Variants in COL8A1 observed in about 807,000 individuals in gnomAD.
COL8A1 encodes the protein collagen alpha-1(VIII) chain.
Under a neutral mutation model 42.7 loss-of-function variants are expected in COL8A1, and 21 were observed. The observed-to-expected ratio is 0.49, with a 90% CI of 0.35 to 0.71. The LOEUF (loss-of-function observed/expected upper bound fraction) is 0.71. COL8A1 is among the 30% of genes least tolerant of loss of function. COL8A1 has a pLI of 0.01. For missense variants in COL8A1, 788 were observed against 962.4 expected (o/e 0.82, Z 2.40); for synonymous variants, 367 against 369.1 (o/e 0.99, Z 0.06).
intron 1 of COL8A1, among the ~76,000 whole-genome samples, chr3:99,648,976 G>C (rs1229733131): frequency 1.3e-5 from 2 of 151,908 alleles, no homozygotes; most frequent in East Asian, 3.9e-4. Flanking sequence ...CTGTGCCAAA[G>C]ACAAAAAAGG....
intron 2 of COL8A1, among the ~76,000 whole-genome samples, chr3:99,783,292 T>C (rs772170271): frequency 5.3e-5 from 8 of 152,240 alleles, no homozygotes; most frequent in Non-Finnish European, 1.2e-4. Context: ...CACAACCTAA[T>C]TGACTTCTCA....
At chr3:99,711,598 T>C (rs1477680035) in intron 1 of COL8A1, among the ~76,000 whole-genome samples, 1 of 152,054 alleles carries the variant, frequency 6.6e-6, no homozygotes, top group African/African-American at 2.4e-5. Flanking sequence ...ACCTAATACC[T>C]GGGGGATGTG....
rs1941987064 is a variant in COL8A1 at position 99,790,850 on chromosome 3, G to C, written c.168G>C (p.Gln56His). ...TTCCACAATACCAGCCCCTGGGTCA[G>C]CAAGTACCTCACATGCCTTTGGCCA... ...PQIPQYQPLG[Q>H]QVPHMPLAKD... The change falls in exon 3 of 4, where the codon CAG becomes CAC. Residue 56 changes from glutamine to histidine, a missense_variant. Gln to His is a conservative substitution (Grantham distance 24). This residue lies in a region of COL8A1 where 421 missense variants were observed against 553.1 expected (regional missense o/e 0.76). Coordinates refer to ENST00000652472, the MANE Select transcript of COL8A1 (RefSeq NM_020351.4). 1 of 1,614,244 alleles carries C rather than the reference G, an allele frequency of 6.2e-7. No homozygotes were observed. Among genetic ancestry groups the C allele is most frequent in the Non-Finnish European group, 8.5e-7 (1 of 1,180,044 alleles).
rs528156811 is a variant in COL8A1 at position 99,687,428 on chromosome 3, G to A, written c.-129+48764G>A. On this transcript the variant is annotated intron_variant, in intron 1 of 3. Coordinates refer to ENST00000652472, the MANE Select transcript of COL8A1 (RefSeq NM_020351.4). ...ATGTTACTTATCCTTATCTGTTCACGTGTGTGTGTGTGTAAAACTTTCACA... is the reference window on the plus strand; with the variant it reads ...ATGTTACTTATCCTTATCTGTTCACATGTGTGTGTGTGTAAAACTTTCACA... Among the ~76,000 whole-genome samples the A allele has an allele frequency of 5.4e-5, 8 of 147,084 alleles. No individual in the cohort carries two copies. In the South Asian group the frequency reaches 6.2e-4, roughly 11 times the overall value.
chr3:99,752,464 G>T (rs792841), intron 2 of COL8A1, among the ~76,000 whole-genome samples: 97,238 of 151,696 alleles, frequency 0.64, 31,880 homozygotes, highest in African/African-American at 0.78. Context: ...ATTTTATGGC[G>T]CCATGTGCTT....
intron 1 of COL8A1, among the ~76,000 whole-genome samples, chr3:99,718,512 G>A (rs572747660): frequency 6.6e-6 from 1 of 151,980 alleles, no homozygotes; most frequent in Non-Finnish European, 1.5e-5. Flanking sequence ...GAGAGGGCAG[G>A]GAAGGACAGA....
chr3:99,657,079 A>G (rs182810703), intron 1 of COL8A1, among the ~76,000 whole-genome samples: 43 of 152,362 alleles, frequency 2.8e-4, no homozygotes, highest in Non-Finnish European at 4.6e-4. Context: ...TAGGACAAAT[A>G]GGAAAATGGT....
intron 1 of COL8A1, among the ~76,000 whole-genome samples, chr3:99,721,101 T>C (rs796696448): frequency 1.7e-4 from 26 of 152,104 alleles, no homozygotes; most frequent in African/African-American, 5.1e-4. Context: ...CCACTACAGA[T>C]AGTGAAGCAC....
Position 99,795,057 on chromosome 3 carries a change from G to A in COL8A1, c.1156G>A (p.Gly386Arg). 1 of 1,609,622 alleles carries A rather than the reference G, an allele frequency of 6.2e-7. No individual in the cohort carries two copies. The highest frequency in any genetic ancestry group is 8.5e-7 in the Non-Finnish European group (1 of 1,178,040). Reference sequence around the variant, plus strand: ...AGGACCAATAGGTGCCCCAGGAATAGGGGGTCCTCCAGGAGAGCCAGGCCT... The same window carrying A: ...AGGACCAATAGGTGCCCCAGGAATAAGGGGTCCTCCAGGAGAGCCAGGCCT... ...EKGPIGAPGI[G>R]GPPGEPGLPG... Residue 386 changes from glycine to arginine, a missense_variant, in exon 4 of 4, where the codon GGG (glycine) becomes AGG (arginine). Around this residue, in one of 4 missense-constraint regions of COL8A1, gnomAD observed 421 missense variants for 553.1 expected, o/e 0.76. Coordinates refer to ENST00000652472, the MANE Select transcript of COL8A1 (RefSeq NM_020351.4).
In COL8A1 at chr3:99,697,131, C is replaced by T. The variant is rs376497565; in HGVS notation, c.-128-47766C>T. Among the ~76,000 whole-genome samples the T allele has an allele frequency of 1.5e-4, 22 of 150,148 alleles. 1 individual carries two copies. In the South Asian group the frequency reaches 2.7e-3, roughly 19 times the overall value. On this transcript the variant is annotated intron_variant, in intron 1 of 3. Coordinates refer to ENST00000652472, the MANE Select transcript of COL8A1 (RefSeq NM_020351.4). ...CCTCCCGAGTAGCTGGGACTACAGG[C>T]GCCCGCCACTACGCCCGGCTAATTT...
chr3:99,663,794 AT>A (rs1192094662), intron 1 of COL8A1, among the ~76,000 whole-genome samples: 1 of 148,264 alleles, frequency 6.7e-6, no homozygotes, highest in African/African-American at 2.5e-5. Context: ...AATATTTTTA[AT>A]CTTAAATTTT....
At chr3:99,705,100 T>C (rs910689720) in intron 1 of COL8A1, among the ~76,000 whole-genome samples, 5 of 152,196 alleles carry the variant, frequency 3.3e-5, no homozygotes, top group Non-Finnish European at 5.9e-5. Context: ...CTACACCTTT[T>C]TTTCTTCTGG....
intron 2 of COL8A1, among the ~76,000 whole-genome samples, chr3:99,748,740 T>C (rs998069575): frequency 3.3e-5 from 5 of 152,104 alleles, no homozygotes; most frequent in African/African-American, 1.2e-4. Context: ...GAGGGCAAGG[T>C]AGATTAGCAG....
chr3:99,641,564 C>G lies in COL8A1; in HGVS notation c.-129+2900C>G, dbSNP rs531710877. Among the ~76,000 whole-genome samples, 17 of 152,264 alleles carry G rather than the reference C, an allele frequency of 1.1e-4. No individual in the cohort carries two copies. The South Asian group carries it at 3.3e-3, about 30-fold the overall frequency. ...TTAACTAACAGATGGGTCACGTCAA[C>G]AAAACCAACCCTAAGTCTCCTGAAA... On this transcript the variant is annotated intron_variant, in intron 1 of 3. Coordinates refer to ENST00000652472, the MANE Select transcript of COL8A1 (RefSeq NM_020351.4).
intron 1 of COL8A1, among the ~76,000 whole-genome samples, chr3:99,680,793 A>G (rs906410441): frequency 2.0e-5 from 3 of 152,212 alleles, no homozygotes; most frequent in Non-Finnish European, 4.4e-5. Flanking sequence ...AAACAGAGAT[A>G]TAGACCAATG....
intron 1 of COL8A1, among the ~76,000 whole-genome samples, chr3:99,648,354 G>A (rs138060832): frequency 6.6e-6 from 1 of 152,122 alleles, no homozygotes; most frequent in African/African-American, 2.4e-5. Flanking sequence ...CTATGACAAC[G>A]CCTCTGACTC....
intron 1 of COL8A1, chr3:99,679,040 G>A (rs918776227): frequency 2.0e-5 from 3 of 152,196 alleles, no homozygotes; most frequent in African/African-American, 4.8e-5. Context: ...TAAAGAACTC[G>A]GCAACTTCTA....
intron 1 of COL8A1, among the ~76,000 whole-genome samples, chr3:99,660,576 T>C (rs1938174684): frequency 6.6e-6 from 1 of 152,198 alleles, no homozygotes; most frequent in South Asian, 2.1e-4. Flanking sequence ...AATCCTTGGC[T>C]TACACTTAAT....
At chr3:99,658,392 A>C (rs964247450) in intron 1 of COL8A1, among the ~76,000 whole-genome samples, 1 of 152,070 alleles carries the variant, frequency 6.6e-6, no homozygotes, top group African/African-American at 2.4e-5. Flanking sequence ...TTAACTCCCC[A>C]AGCATTCCCA....
Sources: gnomAD v4.1 joint callset for allele counts (sites outside exome capture counted in the v4.1 genomes callset) on GRCh38, gnomAD v4.1.1 for gene constraint, gnomAD v4.1.1 regional missense constraint, MANE v1.5 for transcripts, NCBI Gene and HGNC (gene_info 2026-07-23, HGNC 2026-07-21) for gene names.